Variants in FSTL4 observed in about 807,000 individuals in gnomAD.
The protein encoded by FSTL4 is follistatin like 4.
FSTL4 carries 28 observed loss-of-function variants against 78.2 expected under a neutral mutation model. The ratio of observed to expected loss-of-function variants is 0.36; its 90% CI spans 0.27 to 0.49. The LOEUF is 0.49. FSTL4 is among the 20% of genes least tolerant of loss of function. The pLI is 0.98. For synonymous variants in FSTL4, 422 were observed against 440.5 expected, an observed-to-expected ratio of 0.96 and a Z score of 0.53; for missense variants, 922 against 1,084.9, an observed-to-expected ratio of 0.85 and a Z score of 2.11.
chr5:133,708,163 A>AGAGG, the FSTL4 span, among the ~76,000 whole-genome samples: 3 of 75,444 alleles, frequency 4.0e-5, no homozygotes, highest in African/African-American at 1.1e-4. Flanking sequence ...AGGAAGGGAG[A>AGAGG]GAGGGAGGGA....
intron 3 of FSTL4, among the ~76,000 whole-genome samples, chr5:133,525,028 C>T (rs1238483341): frequency 6.6e-6 from 1 of 152,178 alleles, no homozygotes; most frequent in Non-Finnish European, 1.5e-5. Context: ...TGAAACTTTA[C>T]CTTTTTAACC....
At chr5:133,780,560 T>G in the FSTL4 span, among the ~76,000 whole-genome samples, 1 of 152,314 alleles carries the variant, frequency 6.6e-6, no homozygotes, top group South Asian at 2.1e-4. Flanking sequence ...CTGCATCTTG[T>G]ATACCCAGCA....
intron 2 of FSTL4, among the ~76,000 whole-genome samples, chr5:133,570,504 T>C (rs1384762640): frequency 1.3e-5 from 2 of 152,088 alleles, no homozygotes; most frequent in African/African-American, 2.4e-5. Context: ...GTTAAACTTG[T>C]CCAAGGTCTC....
In FSTL4 at chr5:133,426,766, A is replaced by T. The variant is rs990183502; in HGVS notation, c.161-25780T>A. Reference sequence around the variant, plus strand: ...CCAGTTCTGCTTTAATAATGCACTGATAGAAGCTCCAGTTCCCTTCTTTAG... The same window carrying T: ...CCAGTTCTGCTTTAATAATGCACTGTTAGAAGCTCCAGTTCCCTTCTTTAG... On this transcript the variant is annotated intron_variant, in intron 3 of 15. Coordinates refer to ENST00000265342, the MANE Select transcript of FSTL4 (RefSeq NM_015082.2). The surrounding 1 kb of genome is among the most constrained non-coding windows in gnomAD (Gnocchi z 5.0). 1.3e-5 allele frequency among the ~76,000 whole-genome samples: 2 copies of T among 152,182 alleles called. No homozygotes were observed. The highest frequency in any genetic ancestry group is 4.8e-5 in the African/African-American group (2 of 41,440).
chr5:133,555,973 A>G (rs572057573), intron 3 of FSTL4, among the ~76,000 whole-genome samples: 2 of 152,310 alleles, frequency 1.3e-5, no homozygotes, highest in East Asian at 3.9e-4. Flanking sequence ...TGGGTTTTTT[A>G]CAGGCCTATT....
intron 3 of FSTL4, among the ~76,000 whole-genome samples, chr5:133,467,931 G>A (rs1179461935): frequency 6.6e-6 from 1 of 152,192 alleles, no homozygotes; most frequent in African/African-American, 2.4e-5. Context: ...AAAGCAATTA[G>A]AGTAATTGTC....
rs150011839 is a variant in FSTL4, at chr5:133,565,495, T to C, written c.160+1691A>G. 1.6e-3 allele frequency among the ~76,000 whole-genome samples: 245 copies of C among 152,346 alleles called. 1 individual carries two copies. The highest frequency in any genetic ancestry group is 5.5e-3 in the African/African-American group (230 of 41,586). On this transcript the variant is annotated intron_variant, in intron 3 of 15. Transcript: ENST00000265342. ...CAGAAACAAGCAAGAAAGACATCAG[T>C]GCACAATAGGAAGAAAAAAGTTTCT...
the FSTL4 span, among the ~76,000 whole-genome samples, chr5:133,670,352 C>T: frequency 2.6e-5 from 4 of 152,224 alleles, no homozygotes; most frequent in East Asian, 1.9e-4. Flanking sequence ...AACTACTAAG[C>T]TGTCTACATC....
chr5:133,352,303 T>C (rs200268053), intron 4 of FSTL4, among the ~76,000 whole-genome samples: 24,469 of 138,140 alleles, frequency 0.18, 2,409 homozygotes, highest in East Asian at 0.36. Flanking sequence ...TACACACACA[T>C]ATATATATAC....
At chr5:133,384,710 T>C (rs1445747642) in intron 4 of FSTL4, among the ~76,000 whole-genome samples, 1 of 152,222 alleles carries the variant, frequency 6.6e-6, no homozygotes, top group Non-Finnish European at 1.5e-5. Context: ...AGGTGATCTT[T>C]CTGAACACCA....
At chr5:133,500,784 A>T (rs1264786608) in intron 3 of FSTL4, among the ~76,000 whole-genome samples, 2 of 152,180 alleles carry the variant, frequency 1.3e-5, no homozygotes, top group African/African-American at 4.8e-5. Context: ...TCTACCTCTA[A>T]CCTTTCTGGA....
At chr5:133,363,245 G>C (rs1267439915) in intron 4 of FSTL4, among the ~76,000 whole-genome samples, 1 of 152,192 alleles carries the variant, frequency 6.6e-6, no homozygotes, top group Non-Finnish European at 1.5e-5. Flanking sequence ...GGGGGCAGCA[G>C]CGACAGGTAC....
chr5:133,450,318 T>C (rs1757354426), intron 3 of FSTL4, among the ~76,000 whole-genome samples: 1 of 152,192 alleles, frequency 6.6e-6, no homozygotes, highest in Non-Finnish European at 1.5e-5. Context: ...GGAGGTCACC[T>C]GAGGGTGAAC....
the FSTL4 span, among the ~76,000 whole-genome samples, chr5:133,827,961 G>A: frequency 6.6e-6 from 1 of 152,156 alleles, no homozygotes. Context: ...AAGAAATGCT[G>A]AACACTTGGT....
At chr5:133,592,461 T>A (rs1027004314) in intron 2 of FSTL4, among the ~76,000 whole-genome samples, 1 of 152,236 alleles carries the variant, frequency 6.6e-6, no homozygotes, top group Non-Finnish European at 1.5e-5. Flanking sequence ...GGATAACGAA[T>A]CACAGATAAT....
chr5:133,664,755 A>G, the FSTL4 span, among the ~76,000 whole-genome samples: 2 of 152,204 alleles, frequency 1.3e-5, no homozygotes, highest in South Asian at 2.1e-4. Context: ...TAACTCTGTC[A>G]GGGGTTTTAT....
In FSTL4 at chr5:133,281,740, A is replaced by G. The variant is rs1246586749; in HGVS notation, c.727+30914T>C. ...AAGGCCCCCTGTTCTGGACTAGGGCAGTCCCAGCCCCCAGGACATGAAGAG... is the reference window on the plus strand; with the variant it reads ...AAGGCCCCCTGTTCTGGACTAGGGCGGTCCCAGCCCCCAGGACATGAAGAG... On this transcript the variant is annotated intron_variant, in intron 6 of 15. Coordinates refer to ENST00000265342, the MANE Select transcript of FSTL4 (RefSeq NM_015082.2). Among the ~76,000 whole-genome samples the G allele has an allele frequency of 3.3e-5, 5 of 152,316 alleles. No homozygotes were observed. In the East Asian group the frequency reaches 9.7e-4, roughly 29 times the overall value.
At chr5:133,458,178 C>T (rs1020309013) in intron 3 of FSTL4, 2 of 152,186 alleles carry the variant, frequency 1.3e-5, no homozygotes, top group Non-Finnish European at 2.9e-5. Context: ...CAGCAGATTA[C>T]ACATTCCGCC....
chr5:133,352,624 G>A (rs148711097), intron 4 of FSTL4, among the ~76,000 whole-genome samples: 96 of 152,122 alleles, frequency 6.3e-4, no homozygotes, highest in African/African-American at 2.1e-3. Context: ...TGCCCAGGCC[G>A]GTCTCAAATA....
Sources: gnomAD v4.1 joint callset for allele counts (sites outside exome capture counted in the v4.1 genomes callset) on GRCh38, gnomAD v4.1.1 for gene constraint, Gnocchi (gnomAD v3.1) non-coding constraint, MANE v1.5 for transcripts, NCBI Gene and HGNC (gene_info 2026-07-23, HGNC 2026-07-21) for gene names.